The following SEMA4D variants were observed in gnomAD, a reference collection of about 807,000 sequenced individuals.
SEMA4D encodes the protein semaphorin 4D.
Under a neutral mutation model 74.8 loss-of-function variants are expected in SEMA4D, and 22 were observed. The ratio of observed to expected loss-of-function variants is 0.29; its 90% CI spans 0.21 to 0.42. The LOEUF (loss-of-function observed/expected upper bound fraction) is 0.42. Among genes scored for constraint, SEMA4D ranks in the 10% least tolerant of loss-of-function variants. The pLI, the probability that SEMA4D is intolerant of heterozygous loss-of-function variation, is 1.00. For synonymous variants in SEMA4D, 445 were observed against 463.7 expected, an observed-to-expected ratio of 0.96 and a Z score of 0.52; for missense variants, 937 against 1,118.4, an observed-to-expected ratio of 0.84 and a Z score of 2.31.
rs1366405635 is a variant in SEMA4D, at chr9:89,484,951, T to C, written c.-310+12968A>G. ...ATGTGTGTGTTGTTTGGTGTGTGTG[T>C]ACTGGGTGGGTGGTGGAGGCATATG... On this transcript the variant is annotated intron_variant, in intron 1 of 15. Transcript: ENST00000422704. This position sits in a 1 kb window ranked among gnomAD's most constrained non-coding sequence, Gnocchi z 4.1. Among the ~76,000 whole-genome samples, 1 of 151,178 alleles carries C rather than the reference T, an allele frequency of 6.6e-6. No homozygotes were observed. The highest frequency in any genetic ancestry group is 1.5e-5 in the Non-Finnish European group (1 of 67,756).
In SEMA4D at chr9:89,383,536, G is replaced by A. The variant is rs370311752; in HGVS notation, c.1447-2190C>T. On this transcript the variant is annotated intron_variant, in intron 13 of 15. Coordinates refer to ENST00000422704, the MANE Select transcript of SEMA4D (RefSeq NM_001371194.2). ...GCAGGAACAGAGCAGAAGCCGAGGAGATGCAGTGTCCAGTGCAACCTGAGG... is the reference window on the plus strand; with the variant it reads ...GCAGGAACAGAGCAGAAGCCGAGGAAATGCAGTGTCCAGTGCAACCTGAGG... 1.2e-4 allele frequency among the ~76,000 whole-genome samples: 19 copies of A among 152,314 alleles called. No homozygotes were observed. The South Asian group carries it at 3.7e-3, about 30-fold the overall frequency.
chr9:89,459,816 T>C (rs973824716), intron 1 of SEMA4D, among the ~76,000 whole-genome samples: 5 of 152,154 alleles, frequency 3.3e-5, no homozygotes, highest in Non-Finnish European at 5.9e-5. Context: ...AGGCTAAGAT[T>C]TGAGGGCCCA....
At chr9:89,474,211 GACACCT>G (rs1861180075) in intron 1 of SEMA4D, among the ~76,000 whole-genome samples, 1 of 152,180 alleles carries the variant, frequency 6.6e-6, no homozygotes, top group Admixed American at 6.5e-5. Flanking sequence ...GCTGCTTCTA[GACACCT>G]GGCACCAATA....
chr9:89,461,700 C>CTCTTTTTTTTTTT lies in SEMA4D; in HGVS notation c.-309-5748_-309-5747insAAAAAAAAAAAGA, dbSNP rs71281350. ...GGGCCAATGTGTATTTCTTTTTTCT[C>CTCTTTTTTTTTTT]TTTTTTTTTTTTTTTTTTTGGAGAC... On this transcript the variant is annotated intron_variant, in intron 1 of 15. Coordinates refer to ENST00000422704, the MANE Select transcript of SEMA4D (RefSeq NM_001371194.2). 5.3e-3 allele frequency among the ~76,000 whole-genome samples: 550 copies of CTCTTTTTTTTTTT among 103,552 alleles called. 22 individuals are homozygous for CTCTTTTTTTTTTT. The highest frequency in any genetic ancestry group is 6.6e-3 in the Non-Finnish European group (345 of 52,186). The allele number at this position is 103,552 out of a possible 152,430, so 67.9% of individuals were successfully genotyped here. A position where few individuals can be genotyped will look rare whatever the true frequency, so the allele number is the denominator to read the frequency against.
At chr9:89,401,570 C>A (rs968380610) in intron 4 of SEMA4D, among the ~76,000 whole-genome samples, 1 of 152,116 alleles carries the variant, frequency 6.6e-6, no homozygotes, top group African/African-American at 2.4e-5. Context: ...ACCATGGATG[C>A]GACGATTTGA....
intron 2 of SEMA4D, among the ~76,000 whole-genome samples, chr9:89,434,557 G>C (rs1849984783): frequency 1.3e-5 from 2 of 152,314 alleles, no homozygotes; most frequent in Middle Eastern, 3.4e-3. Flanking sequence ...TCCACCACCA[G>C]CGTAGCACCT....
At chr9:89,449,146 C>A (rs1328580733) in intron 2 of SEMA4D, among the ~76,000 whole-genome samples, 1 of 152,168 alleles carries the variant, frequency 6.6e-6, no homozygotes, top group East Asian at 1.9e-4. Context: ...CCCGGGAGCC[C>A]GGCAGATGTA....
At chr9:89,439,871 C>T (rs1339258760) in intron 2 of SEMA4D, among the ~76,000 whole-genome samples, 3 of 152,254 alleles carry the variant, frequency 2.0e-5, no homozygotes, top group Non-Finnish European at 2.9e-5. Context: ...GGCCGACCCA[C>T]GATCAAGCTC....
At chr9:89,420,716 G>C (rs34778252) in intron 2 of SEMA4D, among the ~76,000 whole-genome samples, 23,528 of 152,290 alleles carry the variant, frequency 0.15, 2,392 homozygotes, top group Non-Finnish European at 0.22. Context: ...GCAAGAGCAA[G>C]GGGCTCTGCA....
chr9:89,426,240 A>G (rs1848080399), intron 2 of SEMA4D, among the ~76,000 whole-genome samples: 1 of 152,266 alleles, frequency 6.6e-6, no homozygotes, highest in South Asian at 2.1e-4. Context: ...GGATAGGCCC[A>G]GGAGCCTCAG....
chr9:89,409,896 G>C (rs1463370703), intron 2 of SEMA4D, among the ~76,000 whole-genome samples: 1 of 152,216 alleles, frequency 6.6e-6, no homozygotes, highest in Non-Finnish European at 1.5e-5. Flanking sequence ...CAGGAGATGG[G>C]AGAACACAGA....
At chr9:89,481,095 C>G (rs1824618299) in intron 1 of SEMA4D, among the ~76,000 whole-genome samples, 1 of 152,256 alleles carries the variant, frequency 6.6e-6, no homozygotes, top group Non-Finnish European at 1.5e-5. Context: ...ACTAGGCAGG[C>G]ACTGCATGCT....
chr9:89,478,359 G>A (rs567773885), intron 1 of SEMA4D, among the ~76,000 whole-genome samples: 1 of 152,280 alleles, frequency 6.6e-6, no homozygotes, highest in South Asian at 2.1e-4. Flanking sequence ...CTGGAGCAAT[G>A]TGTCACAAGC....
At chr9:89,390,728 C>T (rs1024251730) in intron 9 of SEMA4D, among the ~76,000 whole-genome samples, 15 of 152,186 alleles carry the variant, frequency 9.9e-5, no homozygotes, top group African/African-American at 3.6e-4. Flanking sequence ...GACAATCCAC[C>T]TCCTGGAAAC....
rs77049862 is a variant in SEMA4D, at chr9:89,429,831, G to C, written c.-243-24132C>G. Among the ~76,000 whole-genome samples, 448 of 152,238 alleles carry C rather than the reference G, an allele frequency of 2.9e-3. 2 individuals are homozygous for C. Among genetic ancestry groups the C allele is most frequent in the African/African-American group, 0.01 (427 of 41,542 alleles). ...AAGCAGCACAAGAAAGAAATTACGC[G>C]GTTTGCAAACTGAAGTCTACATGGT... On this transcript the variant is annotated intron_variant, in intron 2 of 15. Transcript: ENST00000422704.
intron 13 of SEMA4D, chr9:89,384,922 C>A (rs1440262307): frequency 3.0e-6 from 3 of 985,322 alleles, no homozygotes; most frequent in Non-Finnish European, 2.4e-6. Flanking sequence ...GCACAGGACC[C>A]CACGGCAGGC....
Position 89,387,408 on chromosome 9 carries a change from A to G in SEMA4D, c.1308T>C (p.Tyr436=). 1 of 1,614,004 alleles carries G rather than the reference A, an allele frequency of 6.2e-7. No homozygotes were observed. The highest frequency in any genetic ancestry group is 1.1e-5 in the South Asian group (1 of 91,080). The change falls in exon 12 of 16, where the codon TAT becomes TAC. Residue 436 remains tyrosine (Y), a synonymous_variant. Coordinates refer to ENST00000422704, the MANE Select transcript of SEMA4D (RefSeq NM_001371194.2). The part of the protein sequence containing the change: ...DRTQALDGTV[Y]DVMFVSTDRG... Reference sequence around the variant, plus strand: ...CACCTGTGCTGACAAACATGACATCATAGACAGTCCCATCCAGGGCCTGGG... The same window carrying G: ...CACCTGTGCTGACAAACATGACATCGTAGACAGTCCCATCCAGGGCCTGGG...
intron 8 of SEMA4D, among the ~76,000 whole-genome samples, chr9:89,391,977 G>C (rs974662811): frequency 6.6e-6 from 1 of 152,194 alleles, no homozygotes; most frequent in African/African-American, 2.4e-5. Context: ...CATTGAAGAC[G>C]GACATCGGAC....
At chr9:89,376,791 A>G, downstream of SEMA4D, 1 of 1,518,748 alleles carries the variant, frequency 6.6e-7, no homozygotes, top group Non-Finnish European at 8.9e-7. Flanking sequence ...GTGGGAGGAG[A>G]CAGATGGACA....
Sources: allele counts gnomAD v4.1 joint callset (sites outside exome capture counted in the v4.1 genomes callset), GRCh38; gene constraint gnomAD v4.1.1; non-coding constraint Gnocchi (gnomAD v3.1); transcripts MANE v1.5; gene names NCBI Gene and HGNC (gene_info 2026-07-23, HGNC 2026-07-21).